MYL12B: variants seen among roughly 807,000 people sequenced by gnomAD.
MYL12B encodes myosin regulatory light chain 12B.
In MYL12B, 3 loss-of-function variants were observed where a neutral mutation model predicts 12.9. That is an observed-to-expected ratio of 0.23 (90% confidence interval 0.11 to 0.60). The LOEUF (loss-of-function observed/expected upper bound fraction) is 0.60. MYL12B is among the 20% of genes least tolerant of loss of function. The pLI is 0.89. For synonymous variants in MYL12B, 57 were observed against 71.9 expected (o/e 0.79, Z 1.05); for missense variants, 120 against 215.4 (o/e 0.56, Z 2.77).
intron 2 of MYL12B, chr18:3,277,005 T>G (rs1368750671): frequency 1.0e-6 from 1 of 983,680 alleles, no homozygotes; most frequent in East Asian, 1.1e-4. Context: ...TGAAAAATAA[T>G]GAACAGAAAG....
intron 1 of MYL12B, among the ~76,000 whole-genome samples, chr18:3,270,599 A>G (rs570410006): frequency 2.6e-5 from 4 of 152,330 alleles, no homozygotes; most frequent in East Asian, 1.9e-4. Context: ...CTAAACTTCA[A>G]AAATGTTTAA....
chr18:3,273,637 A>G (rs2081701663), intron 2 of MYL12B, among the ~76,000 whole-genome samples: 2 of 152,186 alleles, frequency 1.3e-5, no homozygotes, highest in South Asian at 4.1e-4. Context: ...TGATTTTGTT[A>G]TTGTTTCTTA....
At chr18:3,276,215 G>A (rs939993264) in intron 2 of MYL12B, among the ~76,000 whole-genome samples, 4 of 150,646 alleles carry the variant, frequency 2.7e-5, no homozygotes, top group Non-Finnish European at 5.9e-5. Context: ...AGGCAGCACT[G>A]AACGAAGGAT....
In MYL12B at chr18:3,277,887, A is replaced by G. The variant is rs1339979149; in HGVS notation, c.469A>G (p.Ile157Val). 3.1e-6 allele frequency: 5 copies of G among 1,614,124 alleles called. No homozygotes were observed. The highest frequency in any genetic ancestry group is 4.2e-6 in the Non-Finnish European group (5 of 1,179,994). ...PIDKKGNFNYIEFTRILKHGA... is the reference protein window; with the variant it reads ...PIDKKGNFNYVEFTRILKHGA... ...TGACAAAAAGGGGAATTTCAATTAC[A>G]TCGAGTTCACACGCATCCTGAAACA... is the stretch of plus-strand genomic sequence containing the variant. The change falls in exon 4 of 4, where the codon ATC (isoleucine) becomes GTC (valine). Residue 157 changes from isoleucine to valine, a missense_variant. By Grantham distance (29) the Ile-to-Val change is conservative. Coordinates refer to ENST00000237500, the MANE Select transcript of MYL12B (RefSeq NM_033546.4).
intron 2 of MYL12B, chr18:3,276,912 T>C (rs1567992677): frequency 2.3e-6 from 2 of 882,050 alleles, no homozygotes; most frequent in Non-Finnish European, 2.6e-6. Flanking sequence ...GGCACATGCC[T>C]ATAGTCCAAA....
At chr18:3,275,124 A>G (rs1159193798) in intron 2 of MYL12B, among the ~76,000 whole-genome samples, 3 of 151,860 alleles carry the variant, frequency 2.0e-5, no homozygotes, top group African/African-American at 7.3e-5. Flanking sequence ...GTACAATGGA[A>G]TACTGTTCGA....
Position 3,262,195 on chromosome 18 carries a change from T to C in MYL12B, c.-58T>C, listed in dbSNP as rs11650. 86,736 of 152,124 alleles carry C rather than the reference T, an allele frequency of 0.57. 27,294 individuals are homozygous for C. Among genetic ancestry groups the C allele is most frequent in the Non-Finnish European group, 0.7 (47,568 of 68,006 alleles). The allele number at this position is 152,124 out of a possible 1,614,324, so 9.4% of individuals were successfully genotyped here. A position where few individuals can be genotyped will look rare whatever the true frequency, so the allele number is the denominator to read the frequency against. ...GCCTAACGCTCTTCGCTGTCGTTTG[T>C]GGTCTCGCGCAGGGCGGCCCCGGTT... On this transcript the variant is annotated 5_prime_UTR_variant, in exon 1 of 4. Transcript: ENST00000237500.
intron 1 of MYL12B, among the ~76,000 whole-genome samples, chr18:3,269,000 A>G (rs1300679119): frequency 6.6e-6 from 1 of 152,196 alleles, no homozygotes; most frequent in South Asian, 2.1e-4. Flanking sequence ...GATCAGGGCA[A>G]CTGGGGCTGG....
At chr18:3,262,412 TTGGCGGC>T (rs2081599585) in intron 1 of MYL12B, 175 bp downstream of exon 1, 1 of 36,342 alleles carries the variant, frequency 2.8e-5, no homozygotes, top group South Asian at 1.1e-3. Flanking sequence ...GGGAGGAGGG[TTGGCGGC>T]GGGAGGAGGG....
At chr18:3,264,670 A>G (rs1414494288) in intron 1 of MYL12B, among the ~76,000 whole-genome samples, 2 of 152,246 alleles carry the variant, frequency 1.3e-5, no homozygotes, top group Non-Finnish European at 1.5e-5. Context: ...TGATTGTGCC[A>G]TAAACCCAAT....
intron 1 of MYL12B, among the ~76,000 whole-genome samples, chr18:3,264,962 A>G (rs1483779046): frequency 6.6e-6 from 1 of 152,196 alleles, no homozygotes; most frequent in Admixed American, 6.5e-5. Flanking sequence ...ATTTCACTGC[A>G]GTAAAACAAA....
At chr18:3,268,354 T>C (rs985616544) in intron 1 of MYL12B, among the ~76,000 whole-genome samples, 1 of 152,226 alleles carries the variant, frequency 6.6e-6, no homozygotes, top group Non-Finnish European at 1.5e-5. Context: ...TATGGCTATT[T>C]TCTGTCTGTA....
chr18:3,264,944 C>T (rs1032052645), intron 1 of MYL12B, among the ~76,000 whole-genome samples: 3 of 152,042 alleles, frequency 2.0e-5, no homozygotes, highest in Non-Finnish European at 4.4e-5. Context: ...GTACATTTGA[C>T]TATATAAATT....
chr18:3,271,853 AGAGTGT>A (rs1275354862), intron 1 of MYL12B, among the ~76,000 whole-genome samples: 1 of 151,786 alleles, frequency 6.6e-6, no homozygotes, highest in Non-Finnish European at 1.5e-5. Context: ...GGCTTTCAGT[AGAGTGT>A]TGGAAGCTAC....
intron 1 of MYL12B, among the ~76,000 whole-genome samples, chr18:3,263,814 G>C (rs2081615382): frequency 1.3e-5 from 2 of 152,194 alleles, no homozygotes; most frequent in Non-Finnish European, 2.9e-5. Flanking sequence ...GAGAATTTCA[G>C]CTGCCTGTAT....
At chr18:3,273,478 C>G (rs1269925145) in intron 2 of MYL12B, among the ~76,000 whole-genome samples, 1 of 151,958 alleles carries the variant, frequency 6.6e-6, no homozygotes, top group East Asian at 1.9e-4. Flanking sequence ...GAAGGAGGGG[C>G]AGTGCGACTG....
chr18:3,263,201 G>A (rs1048946793), intron 1 of MYL12B: 4 of 152,234 alleles, frequency 2.6e-5, no homozygotes, highest in Non-Finnish European at 5.9e-5. Context: ...TATCTAAGAA[G>A]CCATAGAGAG....
Position 3,277,182 on chromosome 18 carries a change from A to G in MYL12B, c.185-71A>G, listed in dbSNP as rs151274596. 2.1e-3 allele frequency: 2,929 copies of G among 1,388,588 alleles called. 106 individuals are homozygous for G. The East Asian group carries it at 0.068, about 32-fold the overall frequency. The allele number at this position is 1,388,588 out of a possible 1,614,324, so 86.0% of individuals were successfully genotyped here. ...ACATTTTAAAAATATGTTGGGGAGC[A>G]TAATAATAGTGAAATAACTATTGAA... On this transcript the variant is annotated intron_variant, in intron 2 of 3. Coordinates refer to ENST00000237500, the MANE Select transcript of MYL12B (RefSeq NM_033546.4).
At chr18:3,262,834 A>G (rs373961229) in intron 1 of MYL12B, 1 of 152,296 alleles carries the variant, frequency 6.6e-6, no homozygotes, top group Non-Finnish European at 1.5e-5. Flanking sequence ...GATGATTTAC[A>G]TAGAGTTGTA....
Sources: allele counts gnomAD v4.1 joint callset (sites outside exome capture counted in the v4.1 genomes callset), GRCh38; gene constraint gnomAD v4.1.1; transcripts MANE v1.5; gene names NCBI Gene and HGNC (gene_info 2026-07-23, HGNC 2026-07-21).